RYR3: variants seen among roughly 807,000 people sequenced by gnomAD.
The protein encoded by RYR3 is brain ryanodine receptor-calcium release channel.
Under a neutral mutation model 584.3 loss-of-function variants are expected in RYR3, and 207 were observed. That is an observed-to-expected ratio of 0.35 (90% CI 0.32 to 0.40). The LOEUF (loss-of-function observed/expected upper bound fraction) is 0.40. RYR3 is among the 10% of genes least tolerant of loss of function. RYR3 has a pLI of 1.00. For missense variants in RYR3, 5,616 were observed against 6,089.2 expected, an observed-to-expected ratio of 0.92 and a Z score of 2.59; for synonymous variants, 2,416 against 2,248.5, an observed-to-expected ratio of 1.07 and a Z score of -2.11.
At position 33,825,587 on chromosome 15, in the gene RYR3, TTCTG is replaced by T. The variant is rs776521823; in HGVS notation, c.11073-12_11073-9del. On this transcript the variant is annotated splice_polypyrimidine_tract_variant and intron_variant, in intron 81 of 103. Coordinates refer to ENST00000634891, the MANE Select transcript of RYR3 (RefSeq NM_001036.6). ...GTGCGTAGCCCTGAACCTTGTTTCTTTCTGTCTATTAAAAGTGTCCTTGATTTGA... is the reference window on the plus strand; with the variant it reads ...GTGCGTAGCCCTGAACCTTGTTTCTTTCTATTAAAAGTGTCCTTGATTTGA... 5.7e-6 allele frequency: 9 copies of T among 1,592,588 alleles called. No homozygotes were observed. The highest frequency in any genetic ancestry group is 1.7e-4 in the Middle Eastern group (1 of 6,046).
chr15:33,408,872 T>C (rs973425295), intron 1 of RYR3, among the ~76,000 whole-genome samples: 2 of 152,200 alleles, frequency 1.3e-5, no homozygotes, highest in African/African-American at 2.4e-5. Context: ...TCCTATAGAA[T>C]AGAAAAACAA....
At chr15:33,552,906 C>T (rs1405305007) in intron 10 of RYR3, among the ~76,000 whole-genome samples, 5 of 152,164 alleles carry the variant, frequency 3.3e-5, no homozygotes, top group Non-Finnish European at 5.9e-5. Context: ...TCTGTGCTTC[C>T]CCTCCCTGGG....
At chr15:33,701,550 G>A (rs2066300588) in intron 42 of RYR3, among the ~76,000 whole-genome samples, 1 of 152,064 alleles carries the variant, frequency 6.6e-6, no homozygotes, top group Non-Finnish European at 1.5e-5. Context: ...GCCTCACTAC[G>A]TCTTTTCCCC....
At chr15:33,742,869 G>T (rs967978716) in intron 52 of RYR3, among the ~76,000 whole-genome samples, 3 of 152,150 alleles carry the variant, frequency 2.0e-5, no homozygotes, top group African/African-American at 4.8e-5. Context: ...TTTTATTCTA[G>T]GGAAGACATG....
At chr15:33,477,651 G>A (rs899948953) in intron 2 of RYR3, among the ~76,000 whole-genome samples, 20 of 151,032 alleles carry the variant, frequency 1.3e-4, no homozygotes, top group Non-Finnish European at 2.4e-4. Flanking sequence ...CGAGATGGGC[G>A]GATCACGAGG....
intron 10 of RYR3, among the ~76,000 whole-genome samples, chr15:33,555,761 A>C (rs1417211103): frequency 1.3e-5 from 2 of 152,164 alleles, no homozygotes; most frequent in African/African-American, 4.8e-5. Flanking sequence ...AGAAATACGG[A>C]GAAAAGAGCC....
rs540864413 is a variant in RYR3, at chr15:33,716,722, C to T, written c.6620-5993C>T. Among the ~76,000 whole-genome samples the T allele has an allele frequency of 1.3e-3, 198 of 152,242 alleles. No homozygotes were observed. In the South Asian group the frequency reaches 0.015, roughly 11 times the overall value. ...TTGCCTCCAAGGCCCCTGTGGGATTCCAACGATAGTGATAACTGAGTGTCT... is the reference window on the plus strand; with the variant it reads ...TTGCCTCCAAGGCCCCTGTGGGATTTCAACGATAGTGATAACTGAGTGTCT... On this transcript the variant is annotated intron_variant, in intron 43 of 103. Transcript: ENST00000634891.
chr15:33,682,098 A>G (rs917885144), intron 38 of RYR3, among the ~76,000 whole-genome samples: 2 of 152,248 alleles, frequency 1.3e-5, no homozygotes, highest in Non-Finnish European at 1.5e-5. Context: ...TTATTTTACC[A>G]TTTAAAAAGG....
At chr15:33,457,904 T>C (rs2572192) in intron 1 of RYR3, among the ~76,000 whole-genome samples, 99,957 of 152,098 alleles carry the variant, frequency 0.66, 34,782 homozygotes, top group African/African-American at 0.91. Context: ...CTATCAGAAA[T>C]TCATTCACAC....
At chr15:33,454,900 T>A (rs1335775655) in intron 1 of RYR3, among the ~76,000 whole-genome samples, 1 of 152,164 alleles carries the variant, frequency 6.6e-6, no homozygotes, top group African/African-American at 2.4e-5. Context: ...AACTTGAACT[T>A]CAGCTATAAA....
intron 3 of RYR3, among the ~76,000 whole-genome samples, chr15:33,519,482 A>T (rs1346734545): frequency 6.6e-6 from 1 of 152,170 alleles, no homozygotes; most frequent in Non-Finnish European, 1.5e-5. Flanking sequence ...GACTGCATGC[A>T]TCATACATGA....
At chr15:33,854,982 A>AT in intron 98 of RYR3, 70 bp downstream of exon 98, 3 of 1,438,788 alleles carry the variant, frequency 2.1e-6, no homozygotes, top group Non-Finnish European at 2.8e-6. Context: ...AGCAGGTAGT[A>AT]TACAGTATAT....
At chr15:33,476,214 G>A (rs946257088) in intron 2 of RYR3, among the ~76,000 whole-genome samples, 7 of 152,068 alleles carry the variant, frequency 4.6e-5, no homozygotes, top group Non-Finnish European at 8.8e-5. Flanking sequence ...TGTTTTACCC[G>A]AGCTAGATTA....
At chr15:33,595,819 AT>A (rs1397130352) in intron 16 of RYR3, among the ~76,000 whole-genome samples, 2 of 152,124 alleles carry the variant, frequency 1.3e-5, no homozygotes, top group Non-Finnish European at 2.9e-5. Context: ...AATAACCTTA[AT>A]TTAAAAAAAA....
Position 33,865,031 on chromosome 15 carries a change from C to T in RYR3, c.14518-100C>T, listed in dbSNP as rs1026736822. 6.2e-6 allele frequency: 5 copies of T among 803,324 alleles called. No individual in the cohort carries two copies. In the African/African-American group the frequency reaches 6.8e-5, roughly 11 times the overall value. The allele number at this position is 803,324 out of a possible 1,614,324, so 49.8% of individuals were successfully genotyped here. A position where few individuals can be genotyped will look rare whatever the true frequency, so the allele number is the denominator to read the frequency against. On this transcript the variant is annotated intron_variant, in intron 103 of 103. Coordinates refer to ENST00000634891, the MANE Select transcript of RYR3 (RefSeq NM_001036.6). ...GCAGGTTTGGCCTCATATAAATTCA[C>T]ATCAGTCTTCCTAAAGGGAGCCACA...
intron 43 of RYR3, among the ~76,000 whole-genome samples, chr15:33,721,768 T>G (rs994229811): frequency 2.7e-5 from 4 of 148,266 alleles, no homozygotes; most frequent in East Asian, 4.0e-4. Context: ...TGAGACAGAG[T>G]TTTTTTTTTA....
chr15:33,842,669 C>T (rs1190020903), intron 91 of RYR3, among the ~76,000 whole-genome samples: 6 of 152,104 alleles, frequency 3.9e-5, no homozygotes, highest in African/African-American at 1.2e-4. Flanking sequence ...AATGGGAATG[C>T]TGTTCCCAAC....
chr15:33,684,999 T>C (rs1224837835), intron 38 of RYR3, among the ~76,000 whole-genome samples: 1 of 152,172 alleles, frequency 6.6e-6, no homozygotes, highest in African/African-American at 2.4e-5. Context: ...ACATGCCAAA[T>C]TGTAAAGACC....
intron 64 of RYR3, among the ~76,000 whole-genome samples, chr15:33,778,428 G>A (rs2074162672): frequency 6.6e-6 from 1 of 152,160 alleles, no homozygotes; most frequent in Non-Finnish European, 1.5e-5. Flanking sequence ...GTGAATGCCT[G>A]TATTTGATAT....
Sources: gnomAD v4.1 joint callset for allele counts (sites outside exome capture counted in the v4.1 genomes callset) on GRCh38, gnomAD v4.1.1 for gene constraint, MANE v1.5 for transcripts, NCBI Gene and HGNC (gene_info 2026-07-23, HGNC 2026-07-21) for gene names.